Variants in IQSEC1 observed in about 807,000 individuals in gnomAD.
IQSEC1 encodes the protein IQ motif and Sec7 domain ArfGEF 1.
IQSEC1 carries 31 observed loss-of-function variants against 91.0 expected under a neutral mutation model. The observed-to-expected ratio is 0.34, with a 90% CI of 0.26 to 0.46. The LOEUF is 0.46. Ranked by LOEUF, IQSEC1 falls within the 20% of genes least tolerant of loss-of-function variation. The probability of loss-of-function intolerance (pLI) is 1.00; values close to 1 mark genes in which losing one functional copy is unlikely to be tolerated. For synonymous variants in IQSEC1, 699 were observed against 662.6 expected (o/e 1.05, Z -0.84); for missense variants, 1,388 against 1,575.6 (o/e 0.88, Z 2.02).
intron 1 of IQSEC1, among the ~76,000 whole-genome samples, chr3:13,191,477 ATTTTTTTTTTTTTTTTTTTT>A (rs57912681): frequency 1.1e-5 from 1 of 92,102 alleles, no homozygotes; most frequent in African/African-American, 4.3e-5. Context: ...CACCCAGCTA[ATTTTTTTTTTTTTTTTTTTT>A]TTTTTTTTTT....
chr3:12,926,697 T>TG (rs1011267449), intron 3 of IQSEC1, among the ~76,000 whole-genome samples: 3 of 151,424 alleles, frequency 2.0e-5, no homozygotes, highest in Non-Finnish European at 4.4e-5. Context: ...GTCCCCGGGG[T>TG]GGGGGGGATG....
At chr3:13,050,941 T>C (rs1241655184) in intron 1 of IQSEC1, among the ~76,000 whole-genome samples, 2 of 152,220 alleles carry the variant, frequency 1.3e-5, no homozygotes, top group African/African-American at 4.8e-5. Flanking sequence ...TCTATATTAA[T>C]AGATATTTGT....
At chr3:13,053,196 T>G in intron 1 of IQSEC1, 1 of 699,428 alleles carries the variant, frequency 1.4e-6, no homozygotes, top group Non-Finnish European at 2.6e-6. Context: ...GGTTTTAACC[T>G]TGTTTCCCTG....
At chr3:13,203,359 C>G (rs138545434) in intron 1 of IQSEC1, among the ~76,000 whole-genome samples, 1 of 152,322 alleles carries the variant, frequency 6.6e-6, no homozygotes, top group East Asian at 1.9e-4. Context: ...TTCTTCACCT[C>G]GCACAACTCT....
rs550328834 is a variant in IQSEC1, at chr3:12,909,570, A to G, written c.2417-136T>C. On this transcript the variant is annotated intron_variant, in intron 10 of 13. Coordinates refer to ENST00000613206, the MANE Select transcript of IQSEC1 (RefSeq NM_001134382.3). This position sits in a 1 kb window ranked among gnomAD's most constrained non-coding sequence, Gnocchi z 4.9. ...TAAGTGCCGGGAGTCCAGCCTCCGC[A>G]GTGGCAGGCTGCAGGGGTGCAGAGC... 124 of 813,526 alleles carry G rather than the reference A, an allele frequency of 1.5e-4. 1 individual carries two copies. The African/African-American group carries it at 1.9e-3, about 12-fold the overall frequency. 50.4% of individuals were successfully genotyped at this position (813,526 alleles called of 1,614,324 possible). A position where few individuals can be genotyped will look rare whatever the true frequency, so the allele number is the denominator to read the frequency against.
intron 2 of IQSEC1, among the ~76,000 whole-genome samples, chr3:13,086,600 C>T (rs1263602686): frequency 3.9e-5 from 6 of 152,166 alleles, no homozygotes; most frequent in African/African-American, 7.2e-5. Context: ...CACTCAGAAC[C>T]GAAAGCCTGG....
intron 1 of IQSEC1, among the ~76,000 whole-genome samples, chr3:13,034,685 A>T (rs978524387): frequency 2.6e-5 from 4 of 152,128 alleles, no homozygotes; most frequent in African/African-American, 9.7e-5. Flanking sequence ...TCAGCTCTGG[A>T]TGCTTGATTC....
At chr3:13,014,722 A>G (rs1703038017) in intron 1 of IQSEC1, among the ~76,000 whole-genome samples, 1 of 152,098 alleles carries the variant, frequency 6.6e-6, no homozygotes, top group South Asian at 2.1e-4. Context: ...CCAGTGAGCC[A>G]GGGGCTGTTG....
chr3:13,050,120 C>T (rs1029361144), intron 1 of IQSEC1, among the ~76,000 whole-genome samples: 23 of 149,420 alleles, frequency 1.5e-4, no homozygotes. Context: ...CCACCAGCTG[C>T]CTCGGTGCCC....
At chr3:13,045,885 A>G (rs529158084) in intron 1 of IQSEC1, among the ~76,000 whole-genome samples, 1 of 152,324 alleles carries the variant, frequency 6.6e-6, no homozygotes, top group South Asian at 2.1e-4. Context: ...TGTGTGTACC[A>G]GTGTGAGCCC....
intron 1 of IQSEC1, among the ~76,000 whole-genome samples, chr3:13,182,902 C>T (rs111870104): frequency 0.043 from 6,523 of 152,238 alleles, 445 homozygotes; most frequent in African/African-American, 0.14. Flanking sequence ...CAGTGGCTCA[C>T]GCCTGTAATC....
chr3:13,072,789 GC>G (rs1705479241), intron 1 of IQSEC1, among the ~76,000 whole-genome samples: 1 of 152,206 alleles, frequency 6.6e-6, no homozygotes, highest in Non-Finnish European at 1.5e-5. Flanking sequence ...CTGACTAATA[GC>G]CTTTTTCTCA....
chr3:13,156,138 A>C (rs1707082689), intron 2 of IQSEC1, among the ~76,000 whole-genome samples: 1 of 151,952 alleles, frequency 6.6e-6, no homozygotes, highest in African/African-American at 2.4e-5. Context: ...AGGCTGAGGC[A>C]GGAGAATTGC....
At chr3:13,123,707 G>A (rs1452319629) in intron 2 of IQSEC1, among the ~76,000 whole-genome samples, 1 of 152,236 alleles carries the variant, frequency 6.6e-6, no homozygotes, top group Admixed American at 6.5e-5. Context: ...CCAGAGAGGT[G>A]AAGCAGGTTG....
chr3:13,258,797 C>T (rs1040800602), intron 1 of IQSEC1, among the ~76,000 whole-genome samples: 13 of 152,216 alleles, frequency 8.5e-5, no homozygotes, highest in East Asian at 5.8e-4. Flanking sequence ...CAGCCTCTCA[C>T]GCTGCGAATC....
rs1346070836 is a variant in IQSEC1, at chr3:13,145,804, C to CTG, written c.302+18299_302+18300insCA. ...GGGAGTGAACCTGGGCGCCCGGGGG[C>CTG]GGGGGGGGGGGGTCCTGATCATTGG... On this transcript the variant is annotated intron_variant, in intron 2 of 15. Coordinates refer to the IQSEC1 transcript ENST00000648114. Among the ~76,000 whole-genome samples the CTG allele has an allele frequency of 9.4e-5, 5 of 53,110 alleles. No individual in the cohort carries two copies. In the South Asian group the frequency reaches 4.7e-3, roughly 50 times the overall value. 34.8% of individuals were successfully genotyped at this position (53,110 alleles called of 152,430 possible).
rs1694700385 is a variant in IQSEC1, at chr3:13,223,622, C to T, written c.272+59089G>A. On this transcript the variant is annotated intron_variant, in intron 1 of 15. Coordinates refer to the IQSEC1 transcript ENST00000648114. ...CAGGTCCTCGCGCGCCCACCTTCCCCATGCACCCATCAGCCAGATCTGAGA... is the reference window on the plus strand; with the variant it reads ...CAGGTCCTCGCGCGCCCACCTTCCCTATGCACCCATCAGCCAGATCTGAGA... Among the ~76,000 whole-genome samples the T allele has an allele frequency of 2.0e-5, 3 of 152,222 alleles. No individual in the cohort carries two copies. In the South Asian group the frequency reaches 6.2e-4, roughly 32 times the overall value.
intron 7 of IQSEC1, among the ~76,000 whole-genome samples, 159 bp from the exon 8 acceptor site, chr3:12,915,292 G>T (rs1695971316): frequency 6.6e-6 from 1 of 152,194 alleles, no homozygotes; most frequent in African/African-American, 2.4e-5. Context: ...GGGGTCCCAG[G>T]GGACTCCTGG....
intron 2 of IQSEC1, among the ~76,000 whole-genome samples, chr3:13,099,681 T>C (rs1706024738): frequency 6.6e-6 from 1 of 152,196 alleles, no homozygotes; most frequent in Non-Finnish European, 1.5e-5. Context: ...ACAGCCATCA[T>C]TATTTCCTAA....
Sources: gnomAD v4.1 joint callset for allele counts (sites outside exome capture counted in the v4.1 genomes callset) on GRCh38, gnomAD v4.1.1 for gene constraint, Gnocchi (gnomAD v3.1) non-coding constraint, MANE v1.5 for transcripts, NCBI Gene and HGNC (gene_info 2026-07-23, HGNC 2026-07-21) for gene names.